Variants in LDLRAD3 observed in about 807,000 individuals in gnomAD.
The protein encoded by LDLRAD3 is low density lipoprotein receptor class A domain containing 3.
Under a neutral mutation model 29.4 loss-of-function variants are expected in LDLRAD3, and 20 were observed. The observed-to-expected ratio is 0.68, with a 90% CI of 0.48 to 0.99. LDLRAD3 has a LOEUF of 0.99. Among genes scored for constraint, LDLRAD3 ranks in the 50% least tolerant of loss-of-function variants. The probability of loss-of-function intolerance (pLI) is 0.00; values close to 1 mark genes in which losing one functional copy is unlikely to be tolerated. For synonymous variants in LDLRAD3, 157 were observed against 192.7 expected (o/e 0.81, Z 1.53); for missense variants, 420 against 454.3 (o/e 0.92, Z 0.69).
rs564136760 is a variant in LDLRAD3, at chr11:36,128,984, C to T, written c.454+30523C>T. Among the ~76,000 whole-genome samples, 3 of 152,232 alleles carry T rather than the reference C, an allele frequency of 2.0e-5. No individual in the cohort carries two copies. The South Asian group carries it at 6.2e-4, about 32-fold the overall frequency. ...TAGTCTACATGAGGGATGGTGGTGG[C>T]TTTCCCTGTGAGATGGAGGGAAATG... On this transcript the variant is annotated intron_variant, in intron 4 of 5. Coordinates refer to ENST00000315571, the MANE Select transcript of LDLRAD3 (RefSeq NM_174902.4).
At chr11:36,146,002 T>TTAA (rs1554968528) in intron 4 of LDLRAD3, among the ~76,000 whole-genome samples, 25 of 138,690 alleles carry the variant, frequency 1.8e-4, no homozygotes, top group East Asian at 6.5e-4. Flanking sequence ...GAATGATCAA[T>TTAA]AAAAAAAAGA....
intron 4 of LDLRAD3, among the ~76,000 whole-genome samples, chr11:36,182,753 C>T (rs528514312): frequency 2.0e-5 from 3 of 152,206 alleles, no homozygotes; most frequent in South Asian, 4.1e-4. Context: ...TGCATGCTAC[C>T]GTTCTGCAGA....
intron 1 of LDLRAD3, among the ~76,000 whole-genome samples, chr11:36,015,306 T>TTC (rs1852006780): frequency 5.7e-5 from 5 of 87,726 alleles, no homozygotes; most frequent in African/African-American, 2.2e-4. Context: ...GACATGCCAT[T>TTC]CCCCCCCCCC....
At chr11:36,048,265 T>C (rs1426687982) in intron 2 of LDLRAD3, among the ~76,000 whole-genome samples, 3 of 152,178 alleles carry the variant, frequency 2.0e-5, no homozygotes, top group African/African-American at 7.2e-5. Flanking sequence ...CCCTGAACCA[T>C]TTTCAGGAGA....
intron 4 of LDLRAD3, among the ~76,000 whole-genome samples, chr11:36,139,578 C>T (rs1854050397): frequency 6.6e-6 from 1 of 152,122 alleles, no homozygotes; most frequent in African/African-American, 2.4e-5. Flanking sequence ...TTACAACAAC[C>T]CTCATCTTAA....
intron 4 of LDLRAD3, among the ~76,000 whole-genome samples, chr11:36,188,835 C>G (rs953005471): frequency 6.6e-6 from 1 of 152,180 alleles, no homozygotes; most frequent in African/African-American, 2.4e-5. Context: ...TCCCAGAACA[C>G]AGCCAGCCAG....
chr11:36,088,004 C>G lies in LDLRAD3; in HGVS notation c.319+6226C>G, dbSNP rs1044925527. ...AAAGTGCTGGGATTACAGGCATGAG[C>G]CACTGCACCCAGCCAAATTTAAAAA... On this transcript the variant is annotated intron_variant, in intron 3 of 5. Coordinates refer to ENST00000315571, the MANE Select transcript of LDLRAD3 (RefSeq NM_174902.4). Among the ~76,000 whole-genome samples the G allele has an allele frequency of 2.8e-4, 42 of 151,956 alleles. 1 individual carries two copies. The highest frequency in any genetic ancestry group is 1.5e-4 in the Non-Finnish European group (10 of 67,992).
chr11:36,128,136 G>GTATATATATA (rs1565242649), intron 4 of LDLRAD3, among the ~76,000 whole-genome samples: 1 of 93,880 alleles, frequency 1.1e-5, no homozygotes, highest in African/African-American at 4.2e-5. Context: ...ATATATATAT[G>GTATATATATA]TATATGACAT....
intron 4 of LDLRAD3, among the ~76,000 whole-genome samples, chr11:36,155,456 G>A (rs12283725): frequency 0.021 from 3,134 of 152,202 alleles, 100 homozygotes; most frequent in African/African-American, 0.071. Context: ...TGACTTCCGC[G>A]TCTGTTCCCC....
At chr11:35,974,320 G>T (rs1326555502) in intron 1 of LDLRAD3, among the ~76,000 whole-genome samples, 2 of 151,454 alleles carry the variant, frequency 1.3e-5, no homozygotes, top group Admixed American at 6.6e-5. Context: ...TTTTTCAGGG[G>T]CTACCCAGTT....
intron 4 of LDLRAD3, among the ~76,000 whole-genome samples, chr11:36,203,590 C>A (rs1288329300): frequency 6.6e-6 from 1 of 152,120 alleles, no homozygotes; most frequent in African/African-American, 2.4e-5. Flanking sequence ...AGCCGGAGTG[C>A]GAGTGTTGGA....
At chr11:35,988,327 T>C (rs1851640181) in intron 1 of LDLRAD3, among the ~76,000 whole-genome samples, 1 of 152,204 alleles carries the variant, frequency 6.6e-6, no homozygotes, top group Non-Finnish European at 1.5e-5. Flanking sequence ...CCCAAAGTGC[T>C]GAGATTACAG....
intron 4 of LDLRAD3, among the ~76,000 whole-genome samples, chr11:36,124,839 G>T (rs1240170219): frequency 6.6e-6 from 1 of 151,946 alleles, no homozygotes; most frequent in African/African-American, 2.4e-5. Context: ...TTACAGGCTT[G>T]TGCCACCATG....
intron 1 of LDLRAD3, chr11:35,967,845 T>C: frequency 2.4e-6 from 1 of 419,848 alleles, no homozygotes; most frequent in Non-Finnish European, 4.7e-6. Flanking sequence ...CCATTCTGAA[T>C]GATCATATGG....
At chr11:36,133,239 T>G (rs982130005) in intron 4 of LDLRAD3, among the ~76,000 whole-genome samples, 2 of 151,880 alleles carry the variant, frequency 1.3e-5, no homozygotes, top group Non-Finnish European at 2.9e-5. Flanking sequence ...CCTTGCTATG[T>G]TGTCCAGGTT....
intron 2 of LDLRAD3, among the ~76,000 whole-genome samples, chr11:36,077,780 A>C (rs1459563158): frequency 6.6e-6 from 1 of 152,200 alleles, no homozygotes; most frequent in Non-Finnish European, 1.5e-5. Context: ...GGGCTCCCCA[A>C]AGGGCCACAG....
chr11:35,984,553 T>G (rs1851584179), intron 1 of LDLRAD3, among the ~76,000 whole-genome samples: 2 of 152,230 alleles, frequency 1.3e-5, no homozygotes. Context: ...GGTGAGCTCT[T>G]TGGTTCTGTG....
chr11:36,219,958 A>G (rs867186019), intron 4 of LDLRAD3, among the ~76,000 whole-genome samples: 2 of 152,258 alleles, frequency 1.3e-5, no homozygotes, highest in African/African-American at 2.4e-5. Context: ...AACATATAAA[A>G]TGCTCTTACT....
chr11:36,227,214 A>G lies in LDLRAD3; in HGVS notation c.584A>G (p.His195Arg), dbSNP rs1448934530. 3 of 1,614,014 alleles carry G rather than the reference A, an allele frequency of 1.9e-6. No individual in the cohort carries two copies. The highest frequency in any genetic ancestry group is 1.1e-5 in the South Asian group (1 of 91,082). ...LVVALLALVL[H>R]HQRKRNNLMT... ...GTGGCCCTGCTGGCACTGGTCTTGC[A>G]CCACCAGCGGAAGCGGAACAACCTC... Residue 195 changes from histidine (H) to arginine (R), a missense_variant, in exon 5 of 6, where the codon CAC becomes CGC. Coordinates refer to ENST00000315571, the MANE Select transcript of LDLRAD3 (RefSeq NM_174902.4).
Sources: allele counts gnomAD v4.1 joint callset (sites outside exome capture counted in the v4.1 genomes callset), GRCh38; gene constraint gnomAD v4.1.1; transcripts MANE v1.5; gene names NCBI Gene and HGNC (gene_info 2026-07-23, HGNC 2026-07-21).